The following PRKD1 variants were observed in gnomAD, a reference collection of about 807,000 sequenced individuals.
PRKD1 encodes the protein serine/threonine-protein kinase D1.
Under a neutral mutation model 95.9 loss-of-function variants are expected in PRKD1, and 63 were observed. The ratio of observed to expected loss-of-function variants is 0.66; its 90% confidence interval spans 0.54 to 0.81. The LOEUF (loss-of-function observed/expected upper bound fraction) is 0.81, where lower values mean the gene tolerates loss of function less well. Ranked by LOEUF, PRKD1 falls within the 30% of genes least tolerant of loss-of-function variation. The pLI, the probability that PRKD1 is intolerant of heterozygous loss-of-function variation, is 0.00. For synonymous variants in PRKD1, 425 were observed against 423.1 expected (o/e 1.00, Z -0.05); for missense variants, 1,048 against 1,165.3 (o/e 0.90, Z 1.47).
intron 1 of PRKD1, among the ~76,000 whole-genome samples, chr14:29,842,369 C>T (rs1891888460): frequency 6.6e-6 from 1 of 152,200 alleles, no homozygotes; most frequent in Admixed American, 6.5e-5. Flanking sequence ...TTGTTGACAC[C>T]AGCATCACCT....
intron 2 of PRKD1, among the ~76,000 whole-genome samples, chr14:29,710,506 G>A (rs1022567523): frequency 2.0e-5 from 3 of 152,094 alleles, no homozygotes; most frequent in Admixed American, 1.3e-4. Flanking sequence ...TACCTGGCCT[G>A]TATTACTCAA....
chr14:29,916,794 T>C (rs973435258), intron 1 of PRKD1, among the ~76,000 whole-genome samples: 1 of 152,148 alleles, frequency 6.6e-6, no homozygotes, highest in African/African-American at 2.4e-5. Flanking sequence ...AGAAATAGTA[T>C]CAAGTCTCAC....
intron 1 of PRKD1, among the ~76,000 whole-genome samples, chr14:29,887,366 C>G (rs1431265223): frequency 3.3e-5 from 5 of 152,134 alleles, no homozygotes; most frequent in Non-Finnish European, 1.5e-5. Context: ...AAGATTTTAT[C>G]TGTATTATAT....
At chr14:29,661,820 C>T (rs1344854722) in intron 4 of PRKD1, among the ~76,000 whole-genome samples, 1 of 152,106 alleles carries the variant, frequency 6.6e-6, no homozygotes, top group East Asian at 1.9e-4. Context: ...TCTTGTGGCT[C>T]CAATATTTTC....
intron 1 of PRKD1, among the ~76,000 whole-genome samples, chr14:29,785,438 A>G (rs1452083172): frequency 2.0e-5 from 3 of 152,090 alleles, no homozygotes; most frequent in Non-Finnish European, 4.4e-5. Flanking sequence ...ACTTTAATGA[A>G]TTTATTGGTT....
intron 1 of PRKD1, among the ~76,000 whole-genome samples, chr14:29,831,217 A>G (rs1159032460): frequency 1.3e-5 from 2 of 152,174 alleles, no homozygotes; most frequent in African/African-American, 4.8e-5. Flanking sequence ...CATTTTACAG[A>G]TGAGAAAACG....
intron 1 of PRKD1, among the ~76,000 whole-genome samples, chr14:29,767,345 A>G (rs1161275952): frequency 6.6e-6 from 1 of 152,136 alleles, no homozygotes; most frequent in Non-Finnish European, 1.5e-5. Flanking sequence ...TCAGCCACCC[A>G]TGAGGTAGGA....
chr14:29,582,354 T>C (rs1892780872), intron 16 of PRKD1, among the ~76,000 whole-genome samples: 1 of 151,276 alleles, frequency 6.6e-6, no homozygotes, highest in African/African-American at 2.5e-5. Flanking sequence ...TTGGTATCTC[T>C]CTCATTTTAT....
chr14:29,581,476 T>C (rs921560848), intron 16 of PRKD1, among the ~76,000 whole-genome samples: 1 of 152,110 alleles, frequency 6.6e-6, no homozygotes, highest in Non-Finnish European at 1.5e-5. Context: ...ACGTGACGCT[T>C]CAAAAGGCCA....
intron 4 of PRKD1, among the ~76,000 whole-genome samples, chr14:29,651,569 A>G (rs897370423): frequency 6.6e-6 from 1 of 152,072 alleles, no homozygotes; most frequent in African/African-American, 2.4e-5. Flanking sequence ...TCTAGTTTCT[A>G]GAAGTCTAAT....
chr14:29,920,869 T>C lies in PRKD1; in HGVS notation c.264+6380A>G, dbSNP rs868843239. ...TGCATATGCACAACCAATTATGTTA[T>C]ATTAGCTATCATCAGATGGAACAAT... On this transcript the variant is annotated intron_variant, in intron 1 of 17. Transcript: ENST00000331968. Among the ~76,000 whole-genome samples, 33 of 152,354 alleles carry C rather than the reference T, an allele frequency of 2.2e-4. 1 individual carries two copies. In the Middle Eastern group the frequency reaches 0.014, roughly 63 times the overall value.
chr14:29,792,386 T>A (rs962838144), intron 1 of PRKD1, among the ~76,000 whole-genome samples: 1 of 152,082 alleles, frequency 6.6e-6, no homozygotes, highest in African/African-American at 2.4e-5. Flanking sequence ...ATTCTGTAGA[T>A]GTAGGGAGGA....
intron 15 of PRKD1, 100 bp from the exon 16 acceptor site, chr14:29,597,858 T>G (rs1893366632): frequency 2.5e-6 from 3 of 1,201,868 alleles, no homozygotes; most frequent in Non-Finnish European, 3.4e-6. Context: ...TTTAAATACT[T>G]TACCTTTACA....
intron 2 of PRKD1, among the ~76,000 whole-genome samples, chr14:29,705,843 A>G (rs1287999594): frequency 6.6e-6 from 1 of 152,158 alleles, no homozygotes; most frequent in East Asian, 1.9e-4. Context: ...GAATGGGTAT[A>G]CCACATTTTC....
intron 12 of PRKD1, 118 bp downstream of exon 12, chr14:29,626,366 C>G: frequency 1.2e-6 from 1 of 809,960 alleles, no homozygotes; most frequent in South Asian, 1.9e-5. Context: ...AAAAGATACA[C>G]ACACAGAAAT....
chr14:29,774,849 T>C (rs988248655), intron 1 of PRKD1, among the ~76,000 whole-genome samples: 5 of 152,148 alleles, frequency 3.3e-5, no homozygotes, highest in African/African-American at 1.2e-4. Flanking sequence ...GAAAGTGTGA[T>C]TTGCATTCTT....
intron 1 of PRKD1, among the ~76,000 whole-genome samples, chr14:29,819,099 C>T (rs1890805231): frequency 6.6e-6 from 1 of 151,936 alleles, no homozygotes; most frequent in African/African-American, 2.4e-5. Flanking sequence ...AGGGAGACAA[C>T]AACAAAATGC....
intron 1 of PRKD1, among the ~76,000 whole-genome samples, chr14:29,773,920 CA>C (rs1246311727): frequency 6.6e-6 from 1 of 152,146 alleles, no homozygotes; most frequent in East Asian, 1.9e-4. Context: ...CCTCATTCTC[CA>C]AGTTAGATAC....
chr14:29,923,499 T>C (rs932876872), intron 1 of PRKD1, among the ~76,000 whole-genome samples: 3 of 152,036 alleles, frequency 2.0e-5, no homozygotes, highest in African/African-American at 7.2e-5. Flanking sequence ...ACATCACAAC[T>C]ATTAAGAAAA....
Sources: gnomAD v4.1 joint callset for allele counts (sites outside exome capture counted in the v4.1 genomes callset) on GRCh38, gnomAD v4.1.1 for gene constraint, MANE v1.5 for transcripts, NCBI Gene and HGNC (gene_info 2026-07-23, HGNC 2026-07-21) for gene names.